SLC4A10: variants seen among roughly 807,000 people sequenced by gnomAD.
The protein encoded by SLC4A10 is sodium-driven chloride bicarbonate exchanger.
A neutral mutation model predicts 137.7 loss-of-function variants in SLC4A10; 42 were observed. The observed-to-expected ratio is 0.30, with a 90% CI of 0.24 to 0.39. The LOEUF (loss-of-function observed/expected upper bound fraction) is 0.39, where lower values mean the gene tolerates loss of function less well. SLC4A10 is among the 10% of genes least tolerant of loss of function. The probability of loss-of-function intolerance (pLI) is 1.00; values close to 1 mark genes in which losing one functional copy is unlikely to be tolerated. For missense variants in SLC4A10, 925 were observed against 1,355.0 expected, an observed-to-expected ratio of 0.68 and a Z score of 4.98; for synonymous variants, 474 against 464.1, an observed-to-expected ratio of 1.02 and a Z score of -0.27.
chr2:161,883,449 G>C (rs2061973202), intron 10 of SLC4A10, among the ~76,000 whole-genome samples: 1 of 152,030 alleles, frequency 6.6e-6, no homozygotes, highest in Non-Finnish European at 1.5e-5. Flanking sequence ...ATTAGTTTTT[G>C]ATATTTATGC....
At chr2:161,718,869 C>T (rs2045273829) in intron 1 of SLC4A10, among the ~76,000 whole-genome samples, 1 of 151,950 alleles carries the variant, frequency 6.6e-6, no homozygotes, top group South Asian at 2.1e-4. Context: ...GATGATGAGT[C>T]TAATATTGAC....
chr2:161,958,634 A>G (rs1033079124), intron 21 of SLC4A10, 79 bp downstream of exon 21: 25 of 998,084 alleles, frequency 2.5e-5, no homozygotes, highest in Non-Finnish European at 3.4e-5. Context: ...GACAGCTGAG[A>G]AAATGCCACC....
At chr2:161,652,180 A>T (rs1036845087) in intron 1 of SLC4A10, among the ~76,000 whole-genome samples, 4 of 152,198 alleles carry the variant, frequency 2.6e-5, no homozygotes, top group Non-Finnish European at 5.9e-5. Context: ...GTACCTATGT[A>T]CATTATTTGT....
intron 15 of SLC4A10, among the ~76,000 whole-genome samples, chr2:161,938,879 C>T (rs1426090684): frequency 1.3e-5 from 2 of 151,690 alleles, no homozygotes; most frequent in Non-Finnish European, 1.5e-5. Flanking sequence ...AAAAAAAACC[C>T]CACAAATAGT....
chr2:161,833,800 C>T (rs551757668), intron 3 of SLC4A10, among the ~76,000 whole-genome samples: 36 of 152,300 alleles, frequency 2.4e-4, no homozygotes, highest in African/African-American at 8.7e-4. Context: ...TCCACATTTC[C>T]TATCATCCAT....
chr2:161,767,094 C>CATATATATAT (rs770704286), intron 1 of SLC4A10, among the ~76,000 whole-genome samples: 23 of 40,140 alleles, frequency 5.7e-4, no homozygotes, highest in East Asian at 1.4e-3. Flanking sequence ...AATTAAGAAG[C>CATATATATAT]ATATATATAT....
intron 21 of SLC4A10, among the ~76,000 whole-genome samples, chr2:161,963,235 C>T (rs1697024168): frequency 6.6e-6 from 1 of 151,832 alleles, no homozygotes; most frequent in South Asian, 2.1e-4. Context: ...AATTGGTTTG[C>T]TTGATTAAAA....
At chr2:161,879,996 G>T (rs969997960) in intron 9 of SLC4A10, among the ~76,000 whole-genome samples, 6 of 151,720 alleles carry the variant, frequency 4.0e-5, no homozygotes, top group African/African-American at 1.5e-4. Context: ...GTAAAAAAAA[G>T]AAAAAGATAA....
At chr2:161,728,296 A>G (rs1300443096) in intron 1 of SLC4A10, among the ~76,000 whole-genome samples, 3 of 152,142 alleles carry the variant, frequency 2.0e-5, no homozygotes. Context: ...CAGGCCAACA[A>G]TGGCATGGTG....
At chr2:161,924,670 G>A (rs1407781674) in intron 15 of SLC4A10, among the ~76,000 whole-genome samples, 12 of 152,038 alleles carry the variant, frequency 7.9e-5, no homozygotes, top group Admixed American at 7.9e-4. Flanking sequence ...GGTAACTAAC[G>A]TCCACTTGTA....
At chr2:161,952,468 C>A (rs1179408028) in intron 19 of SLC4A10, among the ~76,000 whole-genome samples, 1 of 152,122 alleles carries the variant, frequency 6.6e-6, no homozygotes, top group Non-Finnish European at 1.5e-5. Flanking sequence ...AAATGCAGAA[C>A]TAGAACTATT....
chr2:161,669,503 G>C (rs1297544173), intron 1 of SLC4A10, among the ~76,000 whole-genome samples: 1 of 151,786 alleles, frequency 6.6e-6, no homozygotes, highest in Admixed American at 6.6e-5. Context: ...ATGTGCCATA[G>C]TTACTTTTGG....
intron 1 of SLC4A10, among the ~76,000 whole-genome samples, chr2:161,667,646 TA>T (rs1334806781): frequency 6.6e-6 from 1 of 151,706 alleles, no homozygotes; most frequent in Non-Finnish European, 1.5e-5. Context: ...TTGTAGCAGT[TA>T]CTTTGAGAAA....
chr2:161,646,225 A>T (rs769764188), intron 1 of SLC4A10, among the ~76,000 whole-genome samples: 1 of 152,068 alleles, frequency 6.6e-6, no homozygotes, highest in Non-Finnish European at 1.5e-5. Flanking sequence ...AGAGATGCAT[A>T]AAAGCAAAGT....
At chr2:161,893,864 A>G (rs940436249) in intron 10 of SLC4A10, among the ~76,000 whole-genome samples, 7 of 151,918 alleles carry the variant, frequency 4.6e-5, no homozygotes, top group Non-Finnish European at 7.4e-5. Context: ...ATGCTCCTCA[A>G]CTTTCAATGG....
chr2:161,770,766 C>A (rs1426673893), intron 1 of SLC4A10, among the ~76,000 whole-genome samples: 2 of 151,698 alleles, frequency 1.3e-5, no homozygotes, highest in East Asian at 1.9e-4. Flanking sequence ...TTATAAAAAA[C>A]CAGATGATAT....
In SLC4A10 at chr2:161,966,179, A is replaced by G. The variant is rs1004283816; in HGVS notation, c.3159+1006A>G. ...AAATGAGGTTTTTTCTTTCTCAGAA[A>G]TTTATACCAATATGGTTACGTAATG... On this transcript the variant is annotated intron_variant, in intron 23 of 26. Transcript: ENST00000446997. 3.3e-5 allele frequency among the ~76,000 whole-genome samples: 5 copies of G among 152,130 alleles called. No individual in the cohort carries two copies. The East Asian group carries it at 9.6e-4, about 29-fold the overall frequency.
At chr2:161,868,677 G>T (rs886867606) in intron 6 of SLC4A10, among the ~76,000 whole-genome samples, 1 of 151,580 alleles carries the variant, frequency 6.6e-6, no homozygotes, top group Admixed American at 6.6e-5. Context: ...GATTTAAGGT[G>T]AAGAACTGTT....
chr2:161,760,714 C>A (rs143395137), intron 1 of SLC4A10, among the ~76,000 whole-genome samples: 1 of 152,154 alleles, frequency 6.6e-6, no homozygotes, highest in Non-Finnish European at 1.5e-5. Flanking sequence ...AACTAACAAT[C>A]TTTATGATTG....
Sources: gnomAD v4.1 joint callset for allele counts (sites outside exome capture counted in the v4.1 genomes callset) on GRCh38, gnomAD v4.1.1 for gene constraint, MANE v1.5 for transcripts, NCBI Gene and HGNC (gene_info 2026-07-23, HGNC 2026-07-21) for gene names.